The following ULK1 variants were observed in gnomAD, a reference collection of about 807,000 sequenced individuals.
ULK1 encodes serine/threonine-protein kinase ULK1.
Under a neutral mutation model 117.5 loss-of-function variants are expected in ULK1, and 48 were observed. The ratio of observed to expected loss-of-function variants is 0.41; its 90% confidence interval spans 0.32 to 0.52. The LOEUF is 0.52. Among genes scored for constraint, ULK1 ranks in the 20% least tolerant of loss-of-function variants. The pLI is 0.29. For missense variants in ULK1, 1,387 were observed against 1,473.4 expected, an observed-to-expected ratio of 0.94 and a Z score of 0.96; for synonymous variants, 790 against 637.8, an observed-to-expected ratio of 1.24 and a Z score of -3.60.
chr12:131,899,765 C>G (rs1221008217), intron 3 of ULK1, among the ~76,000 whole-genome samples: 1 of 152,184 alleles, frequency 6.6e-6, no homozygotes. Flanking sequence ...GATCCTAGCT[C>G]CAACATTTAC....
chr12:131,920,380 T>C (rs1890099871), intron 26 of ULK1: 1 of 499,858 alleles, frequency 2.0e-6, no homozygotes, highest in Admixed American at 3.6e-5. Context: ...CGACTCAGTT[T>C]CCCCAATTGT....
intron 26 of ULK1, 106 bp downstream of exon 26, chr12:131,920,242 G>T: frequency 1.4e-6 from 2 of 1,414,794 alleles, no homozygotes; most frequent in Non-Finnish European, 1.9e-6. Context: ...GACTTTGGGG[G>T]GTGTCACTTC....
At position 131,916,516 on chromosome 12, in the gene ULK1, A is replaced by T; in HGVS notation, c.1997A>T (p.Glu666Val). ...AACCGGACGCTGCCCGACCTCTCGGAGGTGGGACCCTTCCATGGTCAGCCG... is the reference window on the plus strand; with the variant it reads ...AACCGGACGCTGCCCGACCTCTCGGTGGTGGGACCCTTCCATGGTCAGCCG... ...PRNRTLPDLS[E>V]VGPFHGQPLG... is the part of the protein sequence containing the mutation. Residue 666 changes from glutamate (E) to valine (V), a missense_variant, in exon 20 of 28, where the codon GAG (glutamate) becomes GTG (valine). Glu to Val is a moderately radical substitution (Grantham distance 121, BLOSUM62 -2). Transcript: ENST00000321867. 1 of 1,611,642 alleles carries T rather than the reference A, an allele frequency of 6.2e-7. No individual in the cohort carries two copies. The highest frequency in any genetic ancestry group is 1.1e-5 in the South Asian group (1 of 91,070).
intron 23 of ULK1, 43 bp downstream of exon 23, chr12:131,918,724 GT>G (rs1889975255): frequency 4.7e-6 from 6 of 1,269,232 alleles, no homozygotes; most frequent in Admixed American, 2.8e-5. Context: ...TGGCTGGAGG[GT>G]GTGTGGGGTG....
intron 16 of ULK1, 138 bp downstream of exon 16, chr12:131,914,615 C>T: frequency 8.4e-7 from 1 of 1,190,098 alleles, no homozygotes; most frequent in Non-Finnish European, 1.1e-6. Context: ...TCAGCACCAC[C>T]ATTTACTTTG....
chr12:131,914,244 CCTAA>C, intron 15 of ULK1, 104 bp from the exon 16 acceptor site: 1 of 1,527,948 alleles, frequency 6.5e-7, no homozygotes, highest in Non-Finnish European at 8.8e-7. Context: ...TGGCCTCTGC[CCTAA>C]CTAGGAAGTC....
chr12:131,907,168 TGC>T (rs1889308977), intron 4 of ULK1, among the ~76,000 whole-genome samples: 2 of 152,144 alleles, frequency 1.3e-5, no homozygotes, highest in South Asian at 4.1e-4. Context: ...TACAGGTGTG[TGC>T]CACCACGCCC....
At chr12:131,920,279 G>A (rs1890093904) in intron 26 of ULK1, 143 bp downstream of exon 26, 2 of 1,134,920 alleles carry the variant, frequency 1.8e-6, no homozygotes, top group African/African-American at 1.6e-5. Flanking sequence ...ACAGCATTAT[G>A]CACCCCCAGC....
chr12:131,920,218 C>G (rs914302493), intron 26 of ULK1, 82 bp downstream of exon 26: 4 of 1,520,340 alleles, frequency 2.6e-6, no homozygotes, highest in Non-Finnish European at 3.6e-6. Context: ...ACCTTGATGC[C>G]CACAGCGTGG....
At chr12:131,905,302 A>G (rs948348662) in intron 3 of ULK1, among the ~76,000 whole-genome samples, 4 of 152,130 alleles carry the variant, frequency 2.6e-5, no homozygotes, top group Non-Finnish European at 5.9e-5. Context: ...TGAAGCAGGC[A>G]TCACCCAGTG....
In ULK1 at chr12:131,909,118, C is replaced by T. The variant is rs369403948; in HGVS notation, c.565-18C>T. 3.1e-6 allele frequency: 5 copies of T among 1,601,614 alleles called. No individual in the cohort carries two copies. The highest frequency in any genetic ancestry group is 3.4e-5 in the Admixed American group (2 of 58,150). ...GGCGTGCGGGGGCCTCACACTGACC[C>T]GACTTCTGGTCCCGCAGGCCCCCGA... On this transcript the variant is annotated intron_variant, in intron 7 of 27. Coordinates refer to ENST00000321867, the MANE Select transcript of ULK1 (RefSeq NM_003565.4).
In ULK1 at chr12:131,922,749, A is replaced by G. The variant is rs1382820096; in HGVS notation, c.*1388A>G. 6.6e-6 allele frequency: 1 copy of G among 152,502 alleles called. No individual in the cohort carries two copies. The highest frequency in any genetic ancestry group is 2.4e-5 in the African/African-American group (1 of 41,468). The allele number at this position is 152,502 out of a possible 1,614,324, so 9.4% of individuals were successfully genotyped here. ...CACACGCCACATAACAGACAAAAAT[A>G]CACACACGTGTGTTTTTCTTTGCAA... On this transcript the variant is annotated 3_prime_UTR_variant, in exon 28 of 28. Transcript: ENST00000321867.
chr12:131,921,230 C>G lies in ULK1; in HGVS notation c.3092C>G (p.Thr1031Ser). 2 of 1,607,884 alleles carry G rather than the reference C, an allele frequency of 1.2e-6. No individual in the cohort carries two copies. The highest frequency in any genetic ancestry group is 1.7e-6 in the Non-Finnish European group (2 of 1,179,752). The stretch of plus-strand genomic sequence containing the variant: ...GACCAGGCCGACATCGAGAACGTCA[C>G]CAAGTGTGAGTGCCCGGCTGGGCTG... ...LSDQADIENV[T>S]KCKLCIERRL... is the part of the protein sequence containing the mutation. The change falls in exon 27 of 28, where the codon ACC becomes AGC. Residue 1031 changes from threonine (T) to serine (S), a missense_variant. Thr to Ser is a moderately conservative substitution (Grantham distance 58). This residue lies in a region of ULK1 where 900 missense variants were observed against 858.9 expected (regional missense o/e 1.05). Transcript: ENST00000321867.
At chr12:131,920,779 A>G (rs1890117944) in intron 26 of ULK1, 2 of 359,644 alleles carry the variant, frequency 5.6e-6, no homozygotes, top group Admixed American at 4.2e-5. Flanking sequence ...AACATGGGAA[A>G]AGTCAGCCTC....
chr12:131,913,301 CTG>C, intron 14 of ULK1, 43 bp downstream of exon 14: 5 of 1,495,630 alleles, frequency 3.3e-6, no homozygotes, highest in Non-Finnish European at 4.5e-6. Context: ...GGGAGAGAAA[CTG>C]TGGCCTTGGA....
At position 131,907,546 on chromosome 12, in the gene ULK1, G is replaced by A; in HGVS notation, c.316+15G>A. 6 of 1,607,958 alleles carry A rather than the reference G, an allele frequency of 3.7e-6. No individual in the cohort carries two copies. The highest frequency in any genetic ancestry group is 5.1e-6 in the Non-Finnish European group (6 of 1,177,988). The stretch of plus-strand genomic sequence containing the variant: ...CTACCTGCACGGTGAGTGCACAGCT[G>A]CGCCACCTGGGCTGCCAGCCGGTCC... On this transcript the variant is annotated intron_variant, in intron 5 of 27. Transcript: ENST00000321867.
rs139624236 is a variant in ULK1, at chr12:131,919,259, C to A, written c.2559C>A (p.Phe853Leu). The A allele has an allele frequency of 6.3e-6, 10 of 1,598,368 alleles. No homozygotes were observed. Residue 853 changes from phenylalanine (F) to leucine (L), a missense_variant, in exon 24 of 28, where the codon TTC becomes TTA. This residue lies in a region of ULK1 where 900 missense variants were observed against 858.9 expected (regional missense o/e 1.05). Coordinates refer to ENST00000321867, the MANE Select transcript of ULK1 (RefSeq NM_003565.4). ...ILRGLRFTLL[F>L]VQHVLEIAAL... ...GTGGCCTGCGCTTCACGCTGCTGTT[C>A]GTGCAGCACGTCCTGGAGATCGCAG...
At position 131,895,164 on chromosome 12, in the gene ULK1, C is replaced by T. The variant is rs1191271388; in HGVS notation, c.111+52C>T. On this transcript the variant is annotated intron_variant, in intron 1 of 27. Transcript: ENST00000321867. The stretch of plus-strand genomic sequence containing the variant: ...CCCCGCCCAGGATCCCCTGCCCCTG[C>T]ATCCCCGCCCCGAGATTCCCCGCCT... The T allele has an allele frequency of 7.0e-6, 9 of 1,282,442 alleles. No individual in the cohort carries two copies. In the East Asian group the frequency reaches 2.1e-4, roughly 30 times the overall value. 79.4% of individuals were successfully genotyped at this position (1,282,442 alleles called of 1,614,324 possible).
intron 3 of ULK1, among the ~76,000 whole-genome samples, chr12:131,900,650 G>A (rs1889049146): frequency 6.6e-6 from 1 of 152,234 alleles, no homozygotes. Flanking sequence ...CCCCTGGCCA[G>A]CACGCCATCT....
Sources: gnomAD v4.1 joint callset for allele counts (sites outside exome capture counted in the v4.1 genomes callset) on GRCh38, gnomAD v4.1.1 for gene constraint, gnomAD v4.1.1 regional missense constraint, MANE v1.5 for transcripts, NCBI Gene and HGNC (gene_info 2026-07-23, HGNC 2026-07-21) for gene names.